MYL10: variants seen among roughly 807,000 people sequenced by gnomAD.
The protein encoded by MYL10 is myosin regulatory light chain 10.
In MYL10, 18 loss-of-function variants were observed where a neutral mutation model predicts 21.9. The observed-to-expected ratio is 0.82, with a 90% CI of 0.57 to 1.22. The LOEUF is 1.22. MYL10 is among the 50% of genes most tolerant of loss of function. The probability of loss-of-function intolerance (pLI) is 0.00; values close to 1 mark genes in which losing one functional copy is unlikely to be tolerated. For synonymous variants in MYL10, 88 were observed against 82.8 expected, an observed-to-expected ratio of 1.06 and a Z score of -0.34; for missense variants, 225 against 230.4, an observed-to-expected ratio of 0.98 and a Z score of 0.15.
At position 101,613,702 on chromosome 7, in the gene MYL10, TC is replaced by T. The variant is rs755927606; in HGVS notation, c.541del (p.Glu181LysfsTer4). On this transcript the variant is annotated frameshift_variant, in exon 7 of 8. Transcript: ENST00000223167. LOFTEE classifies it high-confidence loss of function. ...KGFVKADVIK[E>X]KLMTQADRFS... Reference sequence around the variant, plus strand: ...GCGGTCTGCCTGGGTCATAAGTTTTTCTTTGATGCTGTTCAAGGGAGAGACA... The same window carrying T: ...GCGGTCTGCCTGGGTCATAAGTTTTTTTTGATGCTGTTCAAGGGAGAGACA... 1 of 1,614,046 alleles carries T rather than the reference TC, an allele frequency of 6.2e-7. No individual in the cohort carries two copies.
intron 1 of MYL10, among the ~76,000 whole-genome samples, chr7:101,627,029 C>T (rs1584543112): frequency 2.0e-5 from 3 of 151,976 alleles, no homozygotes; most frequent in Non-Finnish European, 4.4e-5. Context: ...CTGTGGCTCA[C>T]GCCTGTAATC....
At chr7:101,617,910 C>A (rs1246543510) in intron 5 of MYL10, among the ~76,000 whole-genome samples, 3 of 152,046 alleles carry the variant, frequency 2.0e-5, no homozygotes, top group South Asian at 4.2e-4. Flanking sequence ...GTGCTTCCCC[C>A]CTCAGATTAG....
At chr7:101,620,513 TG>T (rs1393110404) in intron 5 of MYL10, among the ~76,000 whole-genome samples, 1 of 152,246 alleles carries the variant, frequency 6.6e-6, no homozygotes, top group Non-Finnish European at 1.5e-5. Flanking sequence ...AATACATGTC[TG>T]TTGTTTTGAG....
At position 101,621,417 on chromosome 7, in the gene MYL10, G is replaced by A. The variant is rs544478336; in HGVS notation, c.454+679C>T. On this transcript the variant is annotated intron_variant, in intron 5 of 7. Transcript: ENST00000223167. ...GGGGAGTAACTTGCCCTGCACAGGG[G>A]TCGACCACAGCATCTTTTGGAAACA... Among the ~76,000 whole-genome samples, 6 of 152,146 alleles carry A rather than the reference G, an allele frequency of 3.9e-5. No individual in the cohort carries two copies. In the South Asian group the frequency reaches 1.2e-3, roughly 32 times the overall value.
intron 1 of MYL10, 44 bp from the exon 2 acceptor site, chr7:101,624,308 G>T (rs768018279): frequency 1.2e-5 from 18 of 1,491,936 alleles, no homozygotes; most frequent in Middle Eastern, 2.0e-4. Context: ...CCTGCCTCGA[G>T]GGTCAGCCCC....
At chr7:101,618,637 G>A (rs1019368606) in intron 5 of MYL10, among the ~76,000 whole-genome samples, 3 of 152,128 alleles carry the variant, frequency 2.0e-5, no homozygotes, top group Admixed American at 6.5e-5. Flanking sequence ...CATCATCGTT[G>A]GGAATCTCAT....
chr7:101,624,695 G>A (rs943262505), intron 1 of MYL10, among the ~76,000 whole-genome samples: 8 of 152,126 alleles, frequency 5.3e-5, no homozygotes, highest in African/African-American at 1.9e-4. Flanking sequence ...CCCCACCACA[G>A]GATCTGCCTC....
chr7:101,625,456 C>A (rs1796732377), intron 1 of MYL10, among the ~76,000 whole-genome samples: 3 of 152,124 alleles, frequency 2.0e-5, no homozygotes, highest in Admixed American at 2.0e-4. Flanking sequence ...ACAACTTGTA[C>A]CACCCTCTCC....
intron 1 of MYL10, among the ~76,000 whole-genome samples, chr7:101,624,955 G>A (rs1796727407): frequency 6.6e-6 from 1 of 151,794 alleles, no homozygotes; most frequent in African/African-American, 2.4e-5. Flanking sequence ...GCTCCACTGT[G>A]GACTGTCACC....
At position 101,613,553 on chromosome 7, in the gene MYL10, T is replaced by A; in HGVS notation, c.603A>T (p.Ala201=). ...SEEEVKQMFA[A]FPPDVCGNLD... is the part of the protein sequence containing the mutation. ...GGTTGCCGCACACATCTGGGGGAAATGCTGCAAACATCTGCTTGACCTGAG... is the reference window on the plus strand; with the variant it reads ...GGTTGCCGCACACATCTGGGGGAAAAGCTGCAAACATCTGCTTGACCTGAG... The change falls in exon 8 of 8, where the codon GCA becomes GCT. Residue 201 remains alanine (A), a synonymous_variant. Coordinates refer to ENST00000223167, the MANE Select transcript of MYL10 (RefSeq NM_138403.5). 2 of 1,613,808 alleles carry A rather than the reference T, an allele frequency of 1.2e-6. No individual in the cohort carries two copies. The highest frequency in any genetic ancestry group is 1.7e-6 in the Non-Finnish European group (2 of 1,179,930).
chr7:101,619,012 C>A (rs566249156), intron 5 of MYL10, among the ~76,000 whole-genome samples: 20 of 152,326 alleles, frequency 1.3e-4, no homozygotes, highest in Non-Finnish European at 2.4e-4. Context: ...GGGCCCCTCG[C>A]CCATGCCCAA....
At position 101,622,978 on chromosome 7, in the gene MYL10, C is replaced by T. The variant is rs367654727; in HGVS notation, c.349+19G>A. On this transcript the variant is annotated intron_variant, in intron 4 of 7. Coordinates refer to ENST00000223167, the MANE Select transcript of MYL10 (RefSeq NM_138403.5). ...TGGCTGGCCTGGCCCTAATCTCCCC[C>T]GGCTGCTGGCTCACCCACCCAGCGC... The T allele has an allele frequency of 2.7e-5, 44 of 1,612,336 alleles. No homozygotes were observed. Among genetic ancestry groups the T allele is most frequent in the South Asian group, 4.4e-5 (4 of 91,010 alleles).
Position 101,613,473 on chromosome 7 carries a change from C to T in MYL10, c.*2G>A. ...CTGAATGTCGGGGAGACTTGTGATC[C>T]CCTAATCCTTCTCTTCACCGTGAGT... On this transcript the variant is annotated 3_prime_UTR_variant, in exon 8 of 8. Coordinates refer to ENST00000223167, the MANE Select transcript of MYL10 (RefSeq NM_138403.5). 3.1e-6 allele frequency: 5 copies of T among 1,613,190 alleles called. No homozygotes were observed. The highest frequency in any genetic ancestry group is 1.1e-5 in the South Asian group (1 of 91,068).
rs772747607 is a variant in MYL10 at position 101,622,086 on chromosome 7, C to G, written c.454+10G>C. ...TGCTGCCCCTCCAGGACTCCAGGAG[C>G]CTGGCTCACCCTTCAGCTTCTCCCC... On this transcript the variant is annotated intron_variant, in intron 5 of 7. Transcript: ENST00000223167. 1 of 1,611,156 alleles carries G rather than the reference C, an allele frequency of 6.2e-7. No homozygotes were observed. The highest frequency in any genetic ancestry group is 1.1e-5 in the South Asian group (1 of 91,008).
At chr7:101,620,549 A>G (rs1796665760) in intron 5 of MYL10, among the ~76,000 whole-genome samples, 1 of 152,208 alleles carries the variant, frequency 6.6e-6, no homozygotes, top group Non-Finnish European at 1.5e-5. Context: ...AGAATTTGTT[A>G]CAGCGGGCTC....
In MYL10 at chr7:101,624,157, GGGCA is replaced by G. The variant is rs776861971; in HGVS notation, c.171+11_171+14del. 30 of 1,557,066 alleles carry G rather than the reference GGGCA, an allele frequency of 1.9e-5. No individual in the cohort carries two copies. The highest frequency in any genetic ancestry group is 6.2e-6 in the Non-Finnish European group (7 of 1,130,566). On this transcript the variant is annotated intron_variant, in intron 2 of 7. Coordinates refer to ENST00000223167, the MANE Select transcript of MYL10 (RefSeq NM_138403.5). Reference sequence around the variant, plus strand: ...CAAGAATCCTCATAACAGCCCCATGGGGCAGCAGACCAACCTCTTTAAACTCCTG... The same window carrying G: ...CAAGAATCCTCATAACAGCCCCATGGGCAGACCAACCTCTTTAAACTCCTG...
At chr7:101,626,873 G>A (rs1014791440) in intron 1 of MYL10, among the ~76,000 whole-genome samples, 4 of 152,226 alleles carry the variant, frequency 2.6e-5, no homozygotes, top group African/African-American at 9.6e-5. Context: ...CAAGAGCAAA[G>A]AGCAGGTCAG....
At chr7:101,619,828 T>C (rs929707235) in intron 5 of MYL10, among the ~76,000 whole-genome samples, 5 of 134,380 alleles carry the variant, frequency 3.7e-5, no homozygotes, top group African/African-American at 1.4e-4. Flanking sequence ...AGGCATAGCT[T>C]GCAGTAAGCC....
chr7:101,616,505 T>C (rs1028619312), intron 5 of MYL10, among the ~76,000 whole-genome samples: 5 of 152,190 alleles, frequency 3.3e-5, no homozygotes, highest in East Asian at 1.9e-4. Context: ...AAACAGGTAA[T>C]TGTAATCATA....
Sources: gnomAD v4.1 joint callset for allele counts (sites outside exome capture counted in the v4.1 genomes callset) on GRCh38, gnomAD v4.1.1 for gene constraint, MANE v1.5 for transcripts, NCBI Gene and HGNC (gene_info 2026-07-23, HGNC 2026-07-21) for gene names.